PLEKHM3: variants seen among roughly 807,000 people sequenced by gnomAD.
PLEKHM3 encodes pleckstrin homology domain containing M3, also known as pleckstrin homology domain-containing family M member 3.
PLEKHM3 carries 45 observed loss-of-function variants against 81.8 expected under a neutral mutation model. The observed-to-expected ratio is 0.55, with a 90% CI of 0.43 to 0.71. The LOEUF (loss-of-function observed/expected upper bound fraction) is 0.71, where lower values mean the gene tolerates loss of function less well. Ranked by LOEUF, PLEKHM3 falls within the 30% of genes least tolerant of loss-of-function variation. PLEKHM3 has a pLI of 0.00. For missense variants in PLEKHM3, 788 were observed against 924.3 expected, an observed-to-expected ratio of 0.85 and a Z score of 1.91; for synonymous variants, 352 against 356.4, an observed-to-expected ratio of 0.99 and a Z score of 0.14.
At chr2:207,942,754 G>A (rs1039943911) in intron 4 of PLEKHM3, among the ~76,000 whole-genome samples, 1 of 152,044 alleles carries the variant, frequency 6.6e-6, no homozygotes, top group African/African-American at 2.4e-5. Context: ...ACAAAAACTA[G>A]CTGGGTGTGG....
At chr2:207,982,612 C>T (rs1475494770) in intron 2 of PLEKHM3, among the ~76,000 whole-genome samples, 5 of 140,424 alleles carry the variant, frequency 3.6e-5, no homozygotes, top group Non-Finnish European at 7.6e-5. Context: ...AAGTCTTGCT[C>T]TTGTCCCACA....
intron 6 of PLEKHM3, among the ~76,000 whole-genome samples, chr2:207,906,606 C>T (rs1319470262): frequency 5.9e-5 from 9 of 151,918 alleles, no homozygotes; most frequent in East Asian, 3.9e-4. Context: ...CTGGCCAACA[C>T]GGTGAAACCC....
In PLEKHM3 at chr2:208,001,195, G is replaced by A; in HGVS notation, c.445C>T (p.Arg149Ter). ...ACTTGGGTAATATCTGATCGTGATC[G>A]AGCATGCCCTGGCTTGAAAGTTGAG... ...ETSTFKPGHA[R>*]SRSDITQVDW... Residue 149 changes from arginine to a stop codon, truncating the protein, a stop_gained, in exon 2 of 8, where the codon CGA (arginine) becomes TGA (stop). Coordinates refer to ENST00000427836, the MANE Select transcript of PLEKHM3 (RefSeq NM_001080475.3). LOFTEE classifies it high-confidence loss of function. 1.2e-6 allele frequency: 2 copies of A among 1,614,086 alleles called. No individual in the cohort carries two copies. The highest frequency in any genetic ancestry group is 1.7e-6 in the Non-Finnish European group (2 of 1,179,998).
intron 2 of PLEKHM3, among the ~76,000 whole-genome samples, chr2:207,992,271 G>A (rs1175920135): frequency 6.6e-6 from 1 of 152,198 alleles, no homozygotes; most frequent in Non-Finnish European, 1.5e-5. Flanking sequence ...AGGCTTGGAT[G>A]AGGTCATCTT....
chr2:207,991,157 A>C (rs1253223327), intron 2 of PLEKHM3, among the ~76,000 whole-genome samples: 1 of 152,208 alleles, frequency 6.6e-6, no homozygotes, highest in East Asian at 1.9e-4. Context: ...CCAGGAAACA[A>C]TTCCAAACAT....
chr2:207,917,717 A>G (rs1326768205), intron 5 of PLEKHM3, among the ~76,000 whole-genome samples: 1 of 152,130 alleles, frequency 6.6e-6, no homozygotes, highest in Non-Finnish European at 1.5e-5. Context: ...GCATGATGGC[A>G]TGCAGCTGTA....
chr2:207,892,883 T>C (rs1001824907), intron 6 of PLEKHM3, among the ~76,000 whole-genome samples: 1 of 152,162 alleles, frequency 6.6e-6, no homozygotes, highest in Admixed American at 6.5e-5. Flanking sequence ...TATTCTAAGC[T>C]CAGGCGATGT....
chr2:208,007,537 T>C (rs772468068), intron 1 of PLEKHM3, among the ~76,000 whole-genome samples: 8 of 152,206 alleles, frequency 5.3e-5, no homozygotes, highest in Non-Finnish European at 1.2e-4. Context: ...TTTCATAGGT[T>C]TGAAGCAAAC....
chr2:207,995,688 G>C lies in PLEKHM3; in HGVS notation c.610+5342C>G, dbSNP rs1379745550. Among the ~76,000 whole-genome samples the C allele has an allele frequency of 4.6e-5, 7 of 152,290 alleles. No individual in the cohort carries two copies. The East Asian group carries it at 1.3e-3, about 29-fold the overall frequency. ...ACCTATAAAGCAGTTAAAATTATCA[G>C]TGCACAAAGTGTTAGCTGCCACTGC... is the stretch of plus-strand genomic sequence containing the variant. On this transcript the variant is annotated intron_variant, in intron 2 of 7. Coordinates refer to ENST00000427836, the MANE Select transcript of PLEKHM3 (RefSeq NM_001080475.3).
At chr2:208,004,236 G>A (rs550292460) in intron 1 of PLEKHM3, among the ~76,000 whole-genome samples, 2 of 151,988 alleles carry the variant, frequency 1.3e-5, no homozygotes, top group South Asian at 4.2e-4. Context: ...CCAACATGGT[G>A]AAACCTCATC....
chr2:207,906,750 C>T (rs931198026), intron 6 of PLEKHM3, among the ~76,000 whole-genome samples: 3 of 152,122 alleles, frequency 2.0e-5, no homozygotes. Context: ...GATCACACCC[C>T]TGTACTACTG....
chr2:207,918,931 G>A (rs2105917758), intron 5 of PLEKHM3, among the ~76,000 whole-genome samples: 1 of 152,144 alleles, frequency 6.6e-6, no homozygotes, highest in East Asian at 1.9e-4. Context: ...CCTAAGAGAT[G>A]GAAACAGACA....
chr2:207,865,837 T>TATAC (rs1397089619), intron 6 of PLEKHM3, among the ~76,000 whole-genome samples: 4 of 115,768 alleles, frequency 3.5e-5, no homozygotes, highest in African/African-American at 1.3e-4. Flanking sequence ...TATATATATA[T>TATAC]ACTTTCTGTC....
In PLEKHM3 at chr2:207,822,103, T is replaced by C. The variant is rs2105870288; in HGVS notation, c.*6216A>G. The C allele has an allele frequency of 6.6e-6, 1 of 152,280 alleles. No homozygotes were observed. Among genetic ancestry groups the C allele is most frequent in the Middle Eastern group, 3.4e-3 (1 of 294 alleles). The allele number at this position is 152,280 out of a possible 1,614,324, so 9.4% of individuals were successfully genotyped here. On this transcript the variant is annotated 3_prime_UTR_variant, in exon 8 of 8. Transcript: ENST00000427836. ...CTGGGACTGTAGGCACATGCCACCA[T>C]GCCCAGCGTAACAGTAAGATTCTGA...
At position 207,874,350 on chromosome 2, in the gene PLEKHM3, G is replaced by A. The variant is rs112452270; in HGVS notation, c.1951-13088C>T. 1.6e-4 allele frequency among the ~76,000 whole-genome samples: 24 copies of A among 152,142 alleles called. No individual in the cohort carries two copies. In the East Asian group the frequency reaches 2.7e-3, roughly 17 times the overall value. ...AGCACCTTGGGAGGCCGAGGTGGGC[G>A]GATCACCTGAGGTTGGGAGTTCGAG... is the stretch of plus-strand genomic sequence containing the variant. On this transcript the variant is annotated intron_variant, in intron 6 of 7. Coordinates refer to ENST00000427836, the MANE Select transcript of PLEKHM3 (RefSeq NM_001080475.3).
At position 207,976,763 on chromosome 2, in the gene PLEKHM3, A is replaced by C. The variant is rs766525003; in HGVS notation, c.1434T>G (p.Gly478=). 136 of 1,614,014 alleles carry C rather than the reference A, an allele frequency of 8.4e-5. 1 individual carries two copies. Among genetic ancestry groups the C allele is most frequent in the Non-Finnish European group, 7.6e-6 (9 of 1,180,014 alleles). Residue 478 remains glycine (G), a synonymous_variant, in exon 3 of 8, where the codon GGT becomes GGG. Transcript: ENST00000427836. The surrounding 1 kb of genome is among the most constrained non-coding windows in gnomAD (Gnocchi z 4.1). The stretch of plus-strand genomic sequence containing the variant: ...GTTTGTTCTTCCTGAGTTCATGCCC[A>C]CCCATTTGATCCTTGGGTTTGTTCC... The part of the protein sequence containing the change: ...TLRNKPKDQM[G]GHELRKNKRQ...
intron 3 of PLEKHM3, among the ~76,000 whole-genome samples, chr2:207,958,686 G>A (rs1690611978): frequency 6.6e-6 from 1 of 151,832 alleles, no homozygotes; most frequent in Non-Finnish European, 1.5e-5. Context: ...GAGGTGGGCG[G>A]ACCACCTAAG....
rs1394016709 is a variant in PLEKHM3 at position 207,908,881 on chromosome 2, T to C, written c.1887-304A>G. ...CATCAGTTTTCTTGTACCAGCTGTG[T>C]CCGTAATAAGCTGTGTGATCTCTGG... is the stretch of plus-strand genomic sequence containing the variant. On this transcript the variant is annotated intron_variant, in intron 5 of 7. Coordinates refer to ENST00000427836, the MANE Select transcript of PLEKHM3 (RefSeq NM_001080475.3). 2.0e-5 allele frequency among the ~76,000 whole-genome samples: 3 copies of C among 152,222 alleles called. No individual in the cohort carries two copies. The East Asian group carries it at 5.8e-4, about 29-fold the overall frequency.
At chr2:207,895,843 T>C (rs1406997811) in intron 6 of PLEKHM3, among the ~76,000 whole-genome samples, 1 of 152,224 alleles carries the variant, frequency 6.6e-6, no homozygotes, top group African/African-American at 2.4e-5. Flanking sequence ...TTAAGGAAAA[T>C]ATAAAATCAG....
Sources: gnomAD v4.1 joint callset for allele counts (sites outside exome capture counted in the v4.1 genomes callset) on GRCh38, gnomAD v4.1.1 for gene constraint, Gnocchi (gnomAD v3.1) non-coding constraint, MANE v1.5 for transcripts, NCBI Gene and HGNC (gene_info 2026-07-23, HGNC 2026-07-21) for gene names.